The following RNLS variants were observed in gnomAD, a reference collection of about 807,000 sequenced individuals.
RNLS encodes the protein renalase, FAD dependent amine oxidase.
In RNLS, 39 loss-of-function variants were observed where a neutral mutation model predicts 39.8. That is an observed-to-expected ratio of 0.98 (90% CI 0.76 to 1.28). The LOEUF (loss-of-function observed/expected upper bound fraction) is 1.28. Among genes scored for constraint, RNLS ranks in the 50% most tolerant of loss-of-function variants. RNLS has a pLI of 0.00. For synonymous variants in RNLS, 147 were observed against 150.7 expected (o/e 0.98, Z 0.18); for missense variants, 410 against 413.3 (o/e 0.99, Z 0.07).
chr10:88,480,817 G>GTGTA (rs1554903377), intron 4 of RNLS, among the ~76,000 whole-genome samples: 1 of 151,338 alleles, frequency 6.6e-6, no homozygotes, highest in Non-Finnish European at 1.5e-5. Context: ...GTGTGTGTGT[G>GTGTA]TGTATGTGTT....
intron 6 of RNLS, among the ~76,000 whole-genome samples, chr10:88,311,543 C>T (rs1162075203): frequency 1.3e-5 from 2 of 152,198 alleles, no homozygotes; most frequent in African/African-American, 2.4e-5. Flanking sequence ...ATGGGATGCA[C>T]AGAAACAGCT....
At chr10:88,203,223 A>AGTGT in the RNLS span, among the ~76,000 whole-genome samples, 147 of 11,240 alleles carry the variant, frequency 0.013, 13 homozygotes, top group Non-Finnish European at 0.021. Flanking sequence ...GATAGCAAAA[A>AGTGT]GTGTGTGTGT....
At chr10:88,582,908 C>T (rs1417296499) in intron 1 of RNLS, among the ~76,000 whole-genome samples, 165 bp downstream of exon 1, 3 of 152,208 alleles carry the variant, frequency 2.0e-5, no homozygotes, top group Non-Finnish European at 2.9e-5. Context: ...TCCCCGATCA[C>T]GTGACGAGGC....
chr10:88,524,672 T>C (rs1217260106), intron 4 of RNLS, among the ~76,000 whole-genome samples: 3 of 151,904 alleles, frequency 2.0e-5, no homozygotes, highest in African/African-American at 4.8e-5. Flanking sequence ...ATGTCTACCA[T>C]GTCAGACAGT....
intron 4 of RNLS, among the ~76,000 whole-genome samples, chr10:88,396,125 A>G (rs1852542871): frequency 6.6e-6 from 1 of 152,244 alleles, no homozygotes; most frequent in East Asian, 1.9e-4. Flanking sequence ...AGGTCAATAG[A>G]CTATAATTTG....
Position 88,487,837 on chromosome 10 carries a change from C to T in RNLS, c.526+85066G>A, listed in dbSNP as rs567586517. Among the ~76,000 whole-genome samples the T allele has an allele frequency of 5.5e-4, 83 of 152,128 alleles. 1 individual carries two copies. The highest frequency in any genetic ancestry group is 1.8e-3 in the African/African-American group (76 of 41,502). ...GGGAAATAATCCAAATTTTCACGAA[C>T]AGATGAATAAATAAACACAGTTGTA... On this transcript the variant is annotated intron_variant, in intron 4 of 6. Transcript: ENST00000331772.
chr10:88,202,853 G>A, the RNLS span, among the ~76,000 whole-genome samples: 1 of 152,106 alleles, frequency 6.6e-6, no homozygotes, highest in African/African-American at 2.4e-5. Context: ...ATGGCACACA[G>A]GGCTACATTT....
the RNLS span, among the ~76,000 whole-genome samples, chr10:88,196,003 T>C: frequency 2.0e-5 from 3 of 152,184 alleles, no homozygotes; most frequent in African/African-American, 7.2e-5. Context: ...TGTCATGCAG[T>C]TAGGATGGCG....
intron 4 of RNLS, among the ~76,000 whole-genome samples, chr10:88,379,799 C>T (rs753294810): frequency 6.6e-6 from 1 of 152,124 alleles, no homozygotes; most frequent in Non-Finnish European, 1.5e-5. Flanking sequence ...GGAACCCAGC[C>T]ATCATGTTGT....
At chr10:88,307,580 T>A (rs906595943) in intron 6 of RNLS, among the ~76,000 whole-genome samples, 6 of 152,102 alleles carry the variant, frequency 3.9e-5, no homozygotes, top group Admixed American at 2.0e-4. Flanking sequence ...CATTCACAAT[T>A]GCCACAAAAA....
At chr10:88,531,032 T>G (rs1276470741) in intron 4 of RNLS, among the ~76,000 whole-genome samples, 1 of 151,898 alleles carries the variant, frequency 6.6e-6, no homozygotes, top group Non-Finnish European at 1.5e-5. Flanking sequence ...AGACGCTAGA[T>G]GGGAAGGAAA....
At chr10:88,366,840 T>C (rs1850151593) in intron 4 of RNLS, among the ~76,000 whole-genome samples, 1 of 151,780 alleles carries the variant, frequency 6.6e-6, no homozygotes, top group Non-Finnish European at 1.5e-5. Context: ...AGATGTTTCC[T>C]TGTTCCCGCT....
At chr10:88,477,076 C>T (rs1450462981) in intron 4 of RNLS, among the ~76,000 whole-genome samples, 3 of 149,114 alleles carry the variant, frequency 2.0e-5, no homozygotes, top group African/African-American at 7.4e-5. Context: ...TGGATTAACC[C>T]AAAACAAGAG....
intron 4 of RNLS, among the ~76,000 whole-genome samples, chr10:88,546,284 T>C (rs2134309260): frequency 6.6e-6 from 1 of 152,236 alleles, no homozygotes; most frequent in Non-Finnish European, 1.5e-5. Context: ...TATCTGATTA[T>C]AAAGTCATTT....
intron 5 of RNLS, among the ~76,000 whole-genome samples, chr10:88,331,562 G>A (rs1589572743): frequency 6.6e-6 from 1 of 152,120 alleles, no homozygotes; most frequent in South Asian, 2.1e-4. Flanking sequence ...TCCACTAAAC[G>A]GTATACTATT....
chr10:88,395,157 A>C (rs892895791), intron 4 of RNLS, among the ~76,000 whole-genome samples: 5 of 151,430 alleles, frequency 3.3e-5, no homozygotes, highest in African/African-American at 1.2e-4. Context: ...ACAAACCTGC[A>C]TGTTGCGCAC....
intron 5 of RNLS, among the ~76,000 whole-genome samples, chr10:88,358,850 C>G (rs1272528294): frequency 2.6e-5 from 4 of 152,206 alleles, no homozygotes; most frequent in Admixed American, 2.0e-4. Context: ...TAACAACTGA[C>G]TGTATTTTGT....
chr10:88,356,117 G>A (rs1359883485), intron 5 of RNLS, among the ~76,000 whole-genome samples: 4 of 152,146 alleles, frequency 2.6e-5, no homozygotes, highest in African/African-American at 2.4e-5. Flanking sequence ...GCTGTCTGTC[G>A]CAGCTTTGCT....
chr10:88,542,982 G>A (rs1162251608), intron 4 of RNLS, among the ~76,000 whole-genome samples: 4 of 152,052 alleles, frequency 2.6e-5, no homozygotes, highest in African/African-American at 7.2e-5. Context: ...AGTAAACTGA[G>A]GCAACCTCTA....
Sources: gnomAD v4.1 joint callset for allele counts (sites outside exome capture counted in the v4.1 genomes callset) on GRCh38, gnomAD v4.1.1 for gene constraint, MANE v1.5 for transcripts, NCBI Gene and HGNC (gene_info 2026-07-23, HGNC 2026-07-21) for gene names.